The following LRP1B variants were observed in gnomAD, a reference collection of about 807,000 sequenced individuals.
The protein encoded by LRP1B is low-density lipoprotein receptor-related protein 1B.
A neutral mutation model predicts 556.6 loss-of-function variants in LRP1B; 217 were observed. That is an observed-to-expected ratio of 0.39 (90% CI 0.35 to 0.44). The LOEUF (loss-of-function observed/expected upper bound fraction) is 0.44. LRP1B is among the 20% of genes least tolerant of loss of function. The pLI is 1.00. For missense variants in LRP1B, 5,053 were observed against 5,620.8 expected, an observed-to-expected ratio of 0.90 and a Z score of 3.23; for synonymous variants, 2,047 against 1,865.8, an observed-to-expected ratio of 1.10 and a Z score of -2.50.
At chr2:140,426,365 C>T (rs58423985) in intron 66 of LRP1B, among the ~76,000 whole-genome samples, 2,352 of 152,176 alleles carry the variant, frequency 0.015, 72 homozygotes, top group African/African-American at 0.053. Flanking sequence ...TATCAATTTT[C>T]TTTTTTCTGA....
intron 75 of LRP1B, among the ~76,000 whole-genome samples, chr2:140,353,642 A>G (rs946795894): frequency 1.2e-4 from 18 of 152,108 alleles, no homozygotes; most frequent in African/African-American, 4.3e-4. Context: ...GTCTCCAACC[A>G]TATATGGGAG....
At chr2:140,338,148 CCTT>C (rs1197415451) in intron 77 of LRP1B, among the ~76,000 whole-genome samples, 1 of 151,646 alleles carries the variant, frequency 6.6e-6, no homozygotes, top group Non-Finnish European at 1.5e-5. Flanking sequence ...CATTTATTCT[CCTT>C]CTTCTGGAAC....
At chr2:142,093,051 A>G (rs1221059462) in intron 1 of LRP1B, among the ~76,000 whole-genome samples, 1 of 152,086 alleles carries the variant, frequency 6.6e-6, no homozygotes, top group East Asian at 1.9e-4. Flanking sequence ...CAGTACCTCC[A>G]AAGTCTCCTG....
At chr2:142,058,466 C>T (rs1307592911) in intron 1 of LRP1B, among the ~76,000 whole-genome samples, 2 of 152,186 alleles carry the variant, frequency 1.3e-5, no homozygotes, top group Non-Finnish European at 2.9e-5. Flanking sequence ...ACCCATGACC[C>T]AAGGGCTGCA....
intron 2 of LRP1B, among the ~76,000 whole-genome samples, chr2:141,669,132 A>T (rs547143533): frequency 6.6e-6 from 1 of 151,284 alleles, no homozygotes; most frequent in Non-Finnish European, 1.5e-5. Context: ...GAAGAACCTC[A>T]GAATATGACT....
intron 83 of LRP1B, among the ~76,000 whole-genome samples, chr2:140,305,594 G>A (rs1684032320): frequency 6.6e-6 from 1 of 152,090 alleles, no homozygotes; most frequent in Admixed American, 6.6e-5. Context: ...CATGTTATCT[G>A]CAAACAGGGA....
intron 3 of LRP1B, among the ~76,000 whole-genome samples, chr2:141,388,958 G>T (rs764294855): frequency 6.6e-6 from 1 of 152,118 alleles, no homozygotes; most frequent in African/African-American, 2.4e-5. Context: ...AAAGACTTGT[G>T]TACTGAAAAT....
chr2:141,566,012 G>A (rs1686316887), intron 2 of LRP1B, among the ~76,000 whole-genome samples: 1 of 152,004 alleles, frequency 6.6e-6, no homozygotes, highest in Non-Finnish European at 1.5e-5. Flanking sequence ...TTGCCTAAAG[G>A]TGCAAGGAAT....
chr2:140,582,541 A>T (rs1430267893), intron 43 of LRP1B, among the ~76,000 whole-genome samples: 1 of 152,192 alleles, frequency 6.6e-6, no homozygotes, highest in Non-Finnish European at 1.5e-5. Flanking sequence ...GAGGGAAGAG[A>T]TCTCATTAGC....
At chr2:140,416,138 G>A (rs566202894) in intron 66 of LRP1B, among the ~76,000 whole-genome samples, 4 of 152,228 alleles carry the variant, frequency 2.6e-5, no homozygotes, top group Non-Finnish European at 4.4e-5. Flanking sequence ...CTCACGTTAC[G>A]ACCTGAACTC....
intron 2 of LRP1B, among the ~76,000 whole-genome samples, chr2:141,695,666 C>T (rs1691711495): frequency 6.6e-6 from 1 of 151,880 alleles, no homozygotes; most frequent in African/African-American, 2.4e-5. Context: ...TAATTATCCT[C>T]ACCACAAAAA....
At chr2:141,032,750 C>T (rs1007412702) in intron 11 of LRP1B, among the ~76,000 whole-genome samples, 3 of 149,286 alleles carry the variant, frequency 2.0e-5, no homozygotes, top group East Asian at 2.0e-4. Context: ...TTCACTTGCT[C>T]ATAATGCCTT....
At chr2:140,582,229 T>C (rs1406312860) in intron 43 of LRP1B, among the ~76,000 whole-genome samples, 1 of 152,172 alleles carries the variant, frequency 6.6e-6, no homozygotes, top group Non-Finnish European at 1.5e-5. Context: ...ACTATGCAAA[T>C]TGTGAAGCTT....
At chr2:141,824,978 A>C (rs1696875224) in intron 1 of LRP1B, among the ~76,000 whole-genome samples, 1 of 152,156 alleles carries the variant, frequency 6.6e-6, no homozygotes. Flanking sequence ...TTAAAGTGGT[A>C]GTTTACCCTG....
chr2:141,803,091 C>A (rs776878223), intron 2 of LRP1B, among the ~76,000 whole-genome samples: 3 of 151,852 alleles, frequency 2.0e-5, no homozygotes, highest in Non-Finnish European at 2.9e-5. Flanking sequence ...TATTCTGTGA[C>A]CTGTGGTCTT....
chr2:141,897,332 G>T (rs1044384840), intron 1 of LRP1B, among the ~76,000 whole-genome samples: 4 of 152,154 alleles, frequency 2.6e-5, no homozygotes, highest in African/African-American at 9.6e-5. Flanking sequence ...CAATTGTTCA[G>T]ATGTCTAGGC....
intron 1 of LRP1B, among the ~76,000 whole-genome samples, chr2:141,936,241 A>T (rs1025541991): frequency 6.6e-6 from 1 of 152,174 alleles, no homozygotes; most frequent in Admixed American, 6.6e-5. Flanking sequence ...AAAACCAAAA[A>T]CAAAACAAAA....
chr2:141,526,996 G>C (rs1684712552), intron 2 of LRP1B, among the ~76,000 whole-genome samples: 1 of 152,060 alleles, frequency 6.6e-6, no homozygotes, highest in Non-Finnish European at 1.5e-5. Context: ...GACTGACAGT[G>C]AATTATAGAC....
intron 1 of LRP1B, among the ~76,000 whole-genome samples, chr2:141,847,276 A>G (rs549186722): frequency 7.9e-5 from 12 of 151,666 alleles, no homozygotes; most frequent in Middle Eastern, 6.8e-3. Flanking sequence ...GCATAAGGCC[A>G]TCATAAATGA....
Sources: allele counts gnomAD v4.1 joint callset (sites outside exome capture counted in the v4.1 genomes callset), GRCh38; gene constraint gnomAD v4.1.1; transcripts MANE v1.5; gene names NCBI Gene and HGNC (gene_info 2026-07-23, HGNC 2026-07-21).